Variants in EPC1 observed in about 807,000 individuals in gnomAD.
EPC1 encodes the protein enhancer of polycomb homolog 1.
In EPC1, 12 loss-of-function variants were observed where a neutral mutation model predicts 98.4. The observed-to-expected ratio is 0.12, with a 90% CI of 0.08 to 0.20. EPC1 has a LOEUF of 0.20. Ranked by LOEUF, EPC1 falls within the 10% of genes least tolerant of loss-of-function variation. The pLI is 1.00. For synonymous variants in EPC1, 357 were observed against 363.9 expected, an observed-to-expected ratio of 0.98 and a Z score of 0.21; for missense variants, 729 against 990.5, an observed-to-expected ratio of 0.74 and a Z score of 3.54.
At chr10:32,376,739 G>A (rs79020912) in intron 1 of EPC1, among the ~76,000 whole-genome samples, 16 of 152,160 alleles carry the variant, frequency 1.1e-4, no homozygotes, top group South Asian at 4.1e-4. Context: ...GAGCATTTAC[G>A]TATTTCAAAG....
At chr10:32,329,357 C>A (rs1837500141) in intron 1 of EPC1, among the ~76,000 whole-genome samples, 1 of 152,192 alleles carries the variant, frequency 6.6e-6, no homozygotes, top group South Asian at 2.1e-4. Context: ...TAGTGCAATG[C>A]TAAAAACAGA....
intron 1 of EPC1, among the ~76,000 whole-genome samples, chr10:32,309,537 T>A (rs996940543): frequency 6.6e-6 from 1 of 150,630 alleles, no homozygotes; most frequent in Admixed American, 6.6e-5. Flanking sequence ...CTCTCTCCTA[T>A]GCCAGTATTT....
At chr10:32,345,416 G>A in intron 1 of EPC1, 3 of 985,108 alleles carry the variant, frequency 3.0e-6, no homozygotes, top group Non-Finnish European at 3.6e-6. Flanking sequence ...ACATTACAGA[G>A]CATAATTTCT....
chr10:32,373,606 A>G (rs1839810021), intron 1 of EPC1, among the ~76,000 whole-genome samples: 1 of 152,140 alleles, frequency 6.6e-6, no homozygotes, highest in Admixed American at 6.5e-5. Flanking sequence ...GCTCTAAGAA[A>G]CACTGTGCTA....
intron 10 of EPC1, chr10:32,282,875 G>A (rs1836480556): frequency 1.3e-5 from 2 of 152,082 alleles, no homozygotes; most frequent in South Asian, 4.1e-4. Flanking sequence ...AATTATCAGG[G>A]TAACCTATGA....
rs988266392 is a variant in EPC1, at chr10:32,280,564, C to T, written c.1744+4134G>A. Among the ~76,000 whole-genome samples, 17 of 152,232 alleles carry T rather than the reference C, an allele frequency of 1.1e-4. 2 individuals carry two copies. The South Asian group carries it at 2.7e-3, about 24-fold the overall frequency. On this transcript the variant is annotated intron_variant, in intron 10 of 13. Transcript: ENST00000319778. The stretch of plus-strand genomic sequence containing the variant: ...GACCAGCCTGGCCAAGATGGTGAAA[C>T]CCCGTCTCTACTAAAAATACAAAAA...
intron 1 of EPC1, among the ~76,000 whole-genome samples, chr10:32,372,896 C>A (rs1015444003): frequency 1.7e-4 from 26 of 152,140 alleles, no homozygotes; most frequent in Middle Eastern, 3.4e-3. Flanking sequence ...TGGTGGCGGG[C>A]GCCTGTAATC....
chr10:32,370,501 CA>C (rs1223457345), intron 1 of EPC1, among the ~76,000 whole-genome samples: 1 of 152,120 alleles, frequency 6.6e-6, no homozygotes, highest in Non-Finnish European at 1.5e-5. Context: ...CCAACTAAAC[CA>C]AAACTTTTTA....
At chr10:32,316,741 TATGA>T (rs1383329178) in intron 1 of EPC1, among the ~76,000 whole-genome samples, 1 of 152,210 alleles carries the variant, frequency 6.6e-6, no homozygotes, top group Non-Finnish European at 1.5e-5. Context: ...TATGTAAATA[TATGA>T]ATATGACAAA....
Position 32,287,126 on chromosome 10 carries a change from G to A in EPC1, c.1124C>T (p.Pro375Leu). 4 of 1,614,144 alleles carry A rather than the reference G, an allele frequency of 2.5e-6. No individual in the cohort carries two copies. The highest frequency in any genetic ancestry group is 3.4e-6 in the Non-Finnish European group (4 of 1,180,028). ...NAKDLNQYDF[P>L]SSDEEPLSQV... ...GGAGAGAGGTTCTTCGTCTGAGCTG[G>A]GAAAGTCATACTGATTCAGATCTTT... Residue 375 changes from proline to leucine, a missense_variant, in exon 7 of 14, where the codon CCC becomes CTC. Around this residue, in one of 6 missense-constraint regions of EPC1, gnomAD observed 390 missense variants for 438.6 expected, o/e 0.89. Transcript: ENST00000319778.
intron 1 of EPC1, among the ~76,000 whole-genome samples, chr10:32,343,131 G>A (rs1237903309): frequency 1.1e-4 from 9 of 84,804 alleles, no homozygotes; most frequent in Admixed American, 2.2e-4. Flanking sequence ...AGAGCTGAAA[G>A]TCTATTATTT....
chr10:32,272,232 C>A, intron 11 of EPC1, 65 bp from the exon 12 acceptor site: 2 of 1,318,272 alleles, frequency 1.5e-6, no homozygotes, highest in South Asian at 1.6e-5. Flanking sequence ...ATCAAAACTA[C>A]ACATGCATAC....
intron 1 of EPC1, among the ~76,000 whole-genome samples, chr10:32,344,131 A>G (rs1405151430): frequency 6.6e-5 from 10 of 152,218 alleles, no homozygotes; most frequent in Admixed American, 6.5e-4. Flanking sequence ...TCCGCACATC[A>G]AAAAGTTTGT....
At chr10:32,369,779 A>C (rs2505363) in intron 1 of EPC1, among the ~76,000 whole-genome samples, 1 of 152,208 alleles carries the variant, frequency 6.6e-6, no homozygotes, top group Non-Finnish European at 1.5e-5. Context: ...ACATTAGAGC[A>C]AACTTAAGAG....
chr10:32,290,205 G>C (rs1836917196), intron 6 of EPC1, among the ~76,000 whole-genome samples: 1 of 151,916 alleles, frequency 6.6e-6, no homozygotes, highest in Non-Finnish European at 1.5e-5. Flanking sequence ...TTTGAGGCTG[G>C]GTGCAGTGGC....
intron 1 of EPC1, among the ~76,000 whole-genome samples, chr10:32,335,237 G>A (rs986348302): frequency 1.3e-5 from 2 of 152,092 alleles, no homozygotes; most frequent in African/African-American, 4.8e-5. Context: ...ATTATCAACA[G>A]AGTCCAAGAC....
chr10:32,313,109 T>A (rs1183172714), intron 1 of EPC1, among the ~76,000 whole-genome samples: 1 of 152,026 alleles, frequency 6.6e-6, no homozygotes, highest in African/African-American at 2.4e-5. Flanking sequence ...GAGAGCATGG[T>A]AATGTAAACT....
intron 1 of EPC1, among the ~76,000 whole-genome samples, chr10:32,313,247 A>G (rs1002683868): frequency 1.3e-5 from 2 of 152,214 alleles, no homozygotes; most frequent in Non-Finnish European, 2.9e-5. Context: ...GTATAAAACA[A>G]AAACCAGAGA....
At chr10:32,298,926 T>A (rs1835330389) in intron 2 of EPC1, among the ~76,000 whole-genome samples, 1 of 152,196 alleles carries the variant, frequency 6.6e-6, no homozygotes, top group Non-Finnish European at 1.5e-5. Context: ...ATTGAAAATG[T>A]AGGTTCTACT....
Sources: gnomAD v4.1 joint callset for allele counts (sites outside exome capture counted in the v4.1 genomes callset) on GRCh38, gnomAD v4.1.1 for gene constraint, gnomAD v4.1.1 regional missense constraint, MANE v1.5 for transcripts, NCBI Gene and HGNC (gene_info 2026-07-23, HGNC 2026-07-21) for gene names.